Variants in IL1RAPL2 observed in about 807,000 individuals in gnomAD.
IL1RAPL2 encodes X-linked interleukin-1 receptor accessory protein-like 2.
In IL1RAPL2, 3 loss-of-function variants were observed where a neutral mutation model predicts 44.1. The ratio of observed to expected loss-of-function variants is 0.07; its 90% CI spans 0.03 to 0.18. The LOEUF (loss-of-function observed/expected upper bound fraction) is 0.18, where lower values mean the gene tolerates loss of function less well. Ranked by LOEUF, IL1RAPL2 falls within the 10% of genes least tolerant of loss-of-function variation. IL1RAPL2 has a pLI of 1.00. For synonymous variants in IL1RAPL2, 181 were observed against 178.8 expected (o/e 1.01, Z -0.10); for missense variants, 391 against 496.4 (o/e 0.79, Z 2.02).
chrX:104,901,982 G>A (rs1019274981), intron 2 of IL1RAPL2, among the ~76,000 whole-genome samples: 1 of 111,937 alleles, frequency 8.9e-6, no homozygotes, highest in African/African-American at 3.2e-5. Flanking sequence ...TCCCTATCCT[G>A]TGAAATATTA....
rs948685858 is a variant in IL1RAPL2, at chrX:104,962,520, T to C, written c.83-232955T>C. Among the ~76,000 whole-genome samples the C allele has an allele frequency of 2.7e-5, 3 of 112,066 alleles. No homozygotes were observed. In the Admixed American group the frequency reaches 2.8e-4, roughly 11 times the overall value. ...GACAACCACTACAAAGGCCATTTAG[T>C]GCGTAGCCTATGCTACACACTAAAT... On this transcript the variant is annotated intron_variant, in intron 2 of 10. Coordinates refer to ENST00000372582, the MANE Select transcript of IL1RAPL2 (RefSeq NM_017416.2).
chrX:104,574,539 A>G (rs1928209604), intron 1 of IL1RAPL2, among the ~76,000 whole-genome samples: 2 of 111,996 alleles, frequency 1.8e-5, no homozygotes. Context: ...TGACTTAGCA[A>G]TTTCACTAAG....
At chrX:104,697,028 C>A (rs897445859) in intron 2 of IL1RAPL2, among the ~76,000 whole-genome samples, 1 of 112,451 alleles carries the variant, frequency 8.9e-6, no homozygotes, top group Non-Finnish European at 1.9e-5. Context: ...ATAGGTGTGG[C>A]AATCTCAGTT....
At chrX:105,614,979 T>C (rs1602490004) in intron 6 of IL1RAPL2, among the ~76,000 whole-genome samples, 1 of 111,318 alleles carries the variant, frequency 9.0e-6, no homozygotes, top group South Asian at 3.7e-4. Flanking sequence ...AACAATTCTA[T>C]AGAAAAAAAA....
Position 104,825,365 on chromosome X carries a change from A to G in IL1RAPL2, c.82+166370A>G, listed in dbSNP as rs765725085. Among the ~76,000 whole-genome samples the G allele has an allele frequency of 8.0e-5, 9 of 112,262 alleles. No individual in the cohort carries two copies. The South Asian group carries it at 1.8e-3, about 23-fold the overall frequency. ...CTGTCTGTGAAACTTTTAGGATTAT[A>G]TGTATTTTGGATTCCAGTAGTTGAG... On this transcript the variant is annotated intron_variant, in intron 2 of 10. Coordinates refer to ENST00000372582, the MANE Select transcript of IL1RAPL2 (RefSeq NM_017416.2).
chrX:105,325,541 TTA>T (rs3035842), intron 5 of IL1RAPL2, among the ~76,000 whole-genome samples: 1,333 of 76,007 alleles, frequency 0.018, 19 homozygotes, highest in African/African-American at 0.052. Flanking sequence ...TCTCTTGGTT[TTA>T]TATATATATA....
intron 2 of IL1RAPL2, among the ~76,000 whole-genome samples, chrX:105,192,516 A>G (rs910954182): frequency 1.3e-4 from 15 of 111,421 alleles, no homozygotes; most frequent in African/African-American, 4.9e-4. Flanking sequence ...TTTATTAAGA[A>G]TAGCAATCCA....
chrX:105,371,699 A>G (rs954166294), intron 5 of IL1RAPL2, among the ~76,000 whole-genome samples: 1 of 112,327 alleles, frequency 8.9e-6, no homozygotes, highest in African/African-American at 3.2e-5. Flanking sequence ...CAATGAAGAC[A>G]GATTGTTCAG....
At chrX:105,442,420 T>C (rs2035927064) in intron 5 of IL1RAPL2, among the ~76,000 whole-genome samples, 1 of 111,572 alleles carries the variant, frequency 9.0e-6, no homozygotes, top group African/African-American at 3.3e-5. Flanking sequence ...CTTCTGATCC[T>C]AGCTCTAGGC....
intron 2 of IL1RAPL2, among the ~76,000 whole-genome samples, chrX:104,851,312 G>A (rs2147642236): frequency 9.0e-6 from 1 of 111,372 alleles, no homozygotes; most frequent in Admixed American, 9.5e-5. Flanking sequence ...ATTAAAACAG[G>A]CACAAAGAAA....
chrX:105,336,513 C>T (rs1189689831), intron 5 of IL1RAPL2, among the ~76,000 whole-genome samples: 2 of 112,363 alleles, frequency 1.8e-5, no homozygotes, highest in Admixed American at 9.4e-5. Context: ...TTCCCTCGTT[C>T]TGCTCCTTAG....
rs1298370119 is a variant in IL1RAPL2 at position 105,740,650 on chromosome X, G to A, written c.1007G>A (p.Arg336Gln). The A allele has an allele frequency of 2.6e-5, 32 of 1,207,784 alleles. No individual in the cohort carries two copies. Among genetic ancestry groups the A allele is most frequent in the Non-Finnish European group, 3.2e-5 (29 of 893,566 alleles). The change falls in exon 8 of 11, where the codon CGA becomes CAA. Residue 336 changes from arginine to glutamine, a missense_variant. By Grantham distance (43) the Arg-to-Gln change is conservative. Around this residue, in one of 2 missense-constraint regions of IL1RAPL2, gnomAD observed 159 missense variants for 251.7 expected, o/e 0.63. Coordinates refer to ENST00000372582, the MANE Select transcript of IL1RAPL2 (RefSeq NM_017416.2). ...LANYTCHVEN[R>Q]NGRKHASVLL... Reference sequence around the variant, plus strand: ...AATTATACCTGCCATGTTGAAAACCGAAATGGACGGAAACATGCCAGTGTT... The same window carrying A: ...AATTATACCTGCCATGTTGAAAACCAAAATGGACGGAAACATGCCAGTGTT...
At chrX:105,637,236 G>A in intron 6 of IL1RAPL2, among the ~76,000 whole-genome samples, 1 of 111,620 alleles carries the variant, frequency 9.0e-6, no homozygotes, top group Middle Eastern at 4.7e-3. Context: ...CACTCATATT[G>A]TTTTGTTTCA....
At chrX:105,074,626 T>C (rs1314849919) in intron 2 of IL1RAPL2, among the ~76,000 whole-genome samples, 1 of 106,167 alleles carries the variant, frequency 9.4e-6, no homozygotes, top group Non-Finnish European at 1.9e-5. Context: ...GTAAATTACC[T>C]TGGGCAGTAT....
intron 1 of IL1RAPL2, among the ~76,000 whole-genome samples, chrX:104,614,002 A>G (rs772053204): frequency 9.1e-6 from 1 of 110,182 alleles, no homozygotes; most frequent in African/African-American, 3.3e-5. Flanking sequence ...AATAGCCTCT[A>G]ATTATCTTTT....
intron 2 of IL1RAPL2, among the ~76,000 whole-genome samples, chrX:104,952,463 C>A (rs150468267): frequency 8.9e-6 from 1 of 111,879 alleles, no homozygotes; most frequent in African/African-American, 3.2e-5. Context: ...TAATGAATCA[C>A]AAGAACACAA....
At chrX:104,623,845 A>G (rs757860009) in intron 1 of IL1RAPL2, among the ~76,000 whole-genome samples, 2 of 112,220 alleles carry the variant, frequency 1.8e-5, no homozygotes, top group Non-Finnish European at 3.8e-5. Flanking sequence ...ATGTTGTCTA[A>G]CAGACTGATT....
chrX:104,609,961 T>C (rs766652470), intron 1 of IL1RAPL2, among the ~76,000 whole-genome samples: 15 of 112,316 alleles, frequency 1.3e-4, no homozygotes, highest in Admixed American at 3.8e-4. Context: ...AGCCATTTTG[T>C]GCTGGTTTCT....
chrX:105,537,404 A>G (rs1415031443), intron 6 of IL1RAPL2, among the ~76,000 whole-genome samples: 1 of 111,631 alleles, frequency 9.0e-6, no homozygotes, highest in Non-Finnish European at 1.9e-5. Context: ...TAAGGTCTCA[A>G]AACTAAAATA....
Sources: allele counts gnomAD v4.1 joint callset (sites outside exome capture counted in the v4.1 genomes callset), GRCh38; gene constraint gnomAD v4.1.1; regional missense constraint gnomAD v4.1.1; transcripts MANE v1.5; gene names NCBI Gene and HGNC (gene_info 2026-07-23, HGNC 2026-07-21).